SPATA13: variants seen among roughly 807,000 people sequenced by gnomAD.
The protein encoded by SPATA13 is spermatogenesis-associated protein 13.
Under a neutral mutation model 104.0 loss-of-function variants are expected in SPATA13, and 50 were observed. The observed-to-expected ratio is 0.48, with a 90% CI of 0.38 to 0.61. SPATA13 has a LOEUF of 0.61. Among genes scored for constraint, SPATA13 ranks in the 20% least tolerant of loss-of-function variants. SPATA13 has a pLI of 0.00. For synonymous variants in SPATA13, 606 were observed against 667.5 expected (o/e 0.91, Z 1.42); for missense variants, 1,524 against 1,690.6 (o/e 0.90, Z 1.73).
At chr13:24,150,272 G>A (rs575085039) in intron 3 of SPATA13, among the ~76,000 whole-genome samples, 3 of 152,222 alleles carry the variant, frequency 2.0e-5, no homozygotes, top group South Asian at 4.1e-4. Flanking sequence ...TGCACCCACC[G>A]CATGTCCTCA....
rs1882444299 is a variant in SPATA13 at position 24,160,860 on chromosome 13, G to C, written c.-184G>C. Reference sequence around the variant, plus strand: ...GCGACCTCGGGGCTCCGCCGGCACCGGAGGTGGCTCTGAGGGCAGGGACGT... The same window carrying C: ...GCGACCTCGGGGCTCCGCCGGCACCCGAGGTGGCTCTGAGGGCAGGGACGT... On this transcript the variant is annotated 5_prime_UTR_variant, in exon 1 of 13. Transcript: ENST00000382108. The C allele has an allele frequency of 1.0e-6, 1 of 984,854 alleles. No homozygotes were observed. The highest frequency in any genetic ancestry group is 1.2e-6 in the Non-Finnish European group (1 of 829,412). The allele number at this position is 984,854 out of a possible 1,614,324, so 61.0% of individuals were successfully genotyped here.
At chr13:24,201,235 C>A (rs1016116738) in intron 1 of SPATA13, among the ~76,000 whole-genome samples, 29 of 152,086 alleles carry the variant, frequency 1.9e-4, no homozygotes, top group African/African-American at 6.3e-4. Flanking sequence ...CTCTTGTTGG[C>A]CTGACTGTGC....
chr13:24,300,633 T>G (rs1176512223), intron 12 of SPATA13, 158 bp downstream of exon 12: 2 of 668,128 alleles, frequency 3.0e-6, no homozygotes, highest in Middle Eastern at 2.4e-4. Context: ...CAGGTGAAGG[T>G]GGCCTGTGTT....
intron 2 of SPATA13, among the ~76,000 whole-genome samples, chr13:24,239,693 T>TAAAA (rs55881452): frequency 0.02 from 960 of 46,876 alleles, 152 homozygotes; most frequent in African/African-American, 0.044. Flanking sequence ...AGACCATATC[T>TAAAA]AAAAAAAAAA....
At chr13:24,213,810 A>T (rs9578694) in intron 1 of SPATA13, among the ~76,000 whole-genome samples, 9,916 of 152,256 alleles carry the variant, frequency 0.065, 1,017 homozygotes, top group African/African-American at 0.22. Context: ...TTATAGGAAA[A>T]AATGTGTCTT....
intron 1 of SPATA13, among the ~76,000 whole-genome samples, chr13:24,180,647 T>C (rs1868741300): frequency 6.6e-6 from 1 of 152,210 alleles, no homozygotes; most frequent in Non-Finnish European, 1.5e-5. Flanking sequence ...GTCTTAAATA[T>C]CTTTCAAAAA....
At chr13:24,275,989 T>G (rs756696111) in intron 4 of SPATA13, among the ~76,000 whole-genome samples, 1 of 152,122 alleles carries the variant, frequency 6.6e-6, no homozygotes, top group Non-Finnish European at 1.5e-5. Context: ...CAAAAGAAAC[T>G]ACGGTTGGTG....
At chr13:24,251,961 T>A in intron 4 of SPATA13, 99 bp downstream of exon 4, 2 of 1,451,476 alleles carry the variant, frequency 1.4e-6, no homozygotes, top group Non-Finnish European at 1.9e-6. Context: ...CGCGCCTCCC[T>A]TGGGCCAGGG....
At chr13:24,000,252 C>A (rs2137671354) in intron 2 of SPATA13, among the ~76,000 whole-genome samples, 1 of 152,340 alleles carries the variant, frequency 6.6e-6, no homozygotes, top group East Asian at 1.9e-4. Context: ...GAAGCCTTCA[C>A]TGAGGAAGTG....
At chr13:24,198,722 T>A (rs762901013) in intron 1 of SPATA13, among the ~76,000 whole-genome samples, 1 of 152,180 alleles carries the variant, frequency 6.6e-6, no homozygotes, top group Non-Finnish European at 1.5e-5. Context: ...CAAGTCTGGG[T>A]CGTCCTGTGA....
At chr13:24,056,720 G>T (rs905856416) in intron 3 of SPATA13, among the ~76,000 whole-genome samples, 1 of 152,152 alleles carries the variant, frequency 6.6e-6, no homozygotes, top group East Asian at 1.9e-4. Flanking sequence ...TACATAGAAG[G>T]CTGTCTCTTT....
chr13:24,150,055 T>G (rs1209497242), intron 3 of SPATA13, among the ~76,000 whole-genome samples: 1 of 152,070 alleles, frequency 6.6e-6, no homozygotes, highest in Non-Finnish European at 1.5e-5. Flanking sequence ...TCTGCCTGAC[T>G]GGTGGCCAGG....
intron 2 of SPATA13, among the ~76,000 whole-genome samples, chr13:24,000,740 A>G (rs146084217): frequency 0.01 from 1,554 of 152,184 alleles, 21 homozygotes; most frequent in African/African-American, 0.036. Flanking sequence ...GCTCTGGGTC[A>G]GAGGCATGAA....
At chr13:24,225,302 C>G (rs1329238373) in intron 2 of SPATA13, among the ~76,000 whole-genome samples, 1 of 152,230 alleles carries the variant, frequency 6.6e-6, no homozygotes, top group African/African-American at 2.4e-5. Flanking sequence ...GCTCCAGGTG[C>G]CGGCACAGGT....
At chr13:24,118,620 A>C (rs753798937) in intron 3 of SPATA13, among the ~76,000 whole-genome samples, 23 of 152,128 alleles carry the variant, frequency 1.5e-4, no homozygotes, top group Non-Finnish European at 2.1e-4. Flanking sequence ...GGGTCTGAGA[A>C]TCTGCATTTT....
At chr13:24,215,283 C>G (rs9553221) in intron 1 of SPATA13, among the ~76,000 whole-genome samples, 15,974 of 152,222 alleles carry the variant, frequency 0.1, 1,416 homozygotes, top group Admixed American at 0.29. Flanking sequence ...ATATGCAAAT[C>G]TCAGTTCAAT....
intron 3 of SPATA13, chr13:24,034,793 G>A (rs1206669412): frequency 6.6e-6 from 1 of 152,306 alleles, no homozygotes; most frequent in Admixed American, 6.5e-5. Flanking sequence ...AGAGTCCTAG[G>A]AGTGATTGTC....
rs1377887383 is a variant in SPATA13, at chr13:24,284,268, T to G, written c.2298T>G (p.Asn766Lys). ...CCGGCGGGGAGCAGCTGGCCATCAATGAGGTACTGGAATTCCACACGACAG... is the reference window on the plus strand; with the variant it reads ...CCGGCGGGGAGCAGCTGGCCATCAAGGAGGTACTGGAATTCCACACGACAG... Reference protein sequence around the residue: ...LQPGGEQLAINELISDGNVVC... With the variant: ...LQPGGEQLAIKELISDGNVVC... Residue 766 changes from asparagine to lysine, a missense_variant, in exon 5 of 13, where the codon AAT becomes AAG. Physicochemically the swap from Asn to Lys is moderately conservative, Grantham distance 94. Coordinates refer to ENST00000382108, the MANE Select transcript of SPATA13 (RefSeq NM_001166271.3). 4 of 1,613,222 alleles carry G rather than the reference T, an allele frequency of 2.5e-6. No homozygotes were observed. Among genetic ancestry groups the G allele is most frequent in the Non-Finnish European group, 3.4e-6 (4 of 1,179,662 alleles).
At chr13:24,270,970 C>T (rs1225325139) in intron 4 of SPATA13, 2 of 1,314,104 alleles carry the variant, frequency 1.5e-6, no homozygotes, top group African/African-American at 1.5e-5. Context: ...CAGCTCTTTC[C>T]TTCCCAAGTT....
Sources: allele counts gnomAD v4.1 joint callset (sites outside exome capture counted in the v4.1 genomes callset), GRCh38; gene constraint gnomAD v4.1.1; transcripts MANE v1.5; gene names NCBI Gene and HGNC (gene_info 2026-07-23, HGNC 2026-07-21).